Variants in POLE observed in about 807,000 individuals in gnomAD.
POLE encodes DNA polymerase epsilon catalytic subunit A.
In POLE, 188 loss-of-function variants were observed where a neutral mutation model predicts 279.2. The ratio of observed to expected loss-of-function variants is 0.67; its 90% CI spans 0.60 to 0.76. The LOEUF (loss-of-function observed/expected upper bound fraction) is 0.76, where lower values mean the gene tolerates loss of function less well. Ranked by LOEUF, POLE falls within the 30% of genes least tolerant of loss-of-function variation. POLE has a pLI of 0.00. For synonymous variants in POLE, 1,214 were observed against 1,172.5 expected (o/e 1.04, Z -0.72); for missense variants, 2,703 against 3,016.7 (o/e 0.90, Z 2.44).
At chr12:132,641,952 C>A in intron 38 of POLE, 101 bp from the exon 39 acceptor site, 1 of 1,158,998 alleles carries the variant, frequency 8.6e-7, no homozygotes, top group Non-Finnish European at 1.3e-6. Flanking sequence ...GAACCAGCAA[C>A]AGACCTGCCC....
chr12:132,656,524 A>T (rs1481699636), intron 29 of POLE, among the ~76,000 whole-genome samples: 1 of 151,784 alleles, frequency 6.6e-6, no homozygotes, highest in African/African-American at 2.4e-5. Flanking sequence ...ACGCCTGGCT[A>T]ATTTTTTGTA....
rs759660507 is a variant in POLE, at chr12:132,624,804, T to C, written c.6754A>G (p.Met2252Val). Residue 2252 changes from methionine to valine, a missense_variant, in exon 49 of 49, where the codon ATG becomes GTG. Physicochemically the swap from Met to Val is conservative, Grantham distance 21. Transcript: ENST00000320574. The part of the protein sequence containing the change: ...FALTIHTQVF[M>V]EQIGIFRNIA... ...TTCCGGAATATTCCGATCTGTTCCA[T>C]GAAGACCTGCAGGAATAAACAGGCA... 7.5e-6 allele frequency: 12 copies of C among 1,610,332 alleles called. No individual in the cohort carries two copies. The highest frequency in any genetic ancestry group is 6.7e-5 in the Admixed American group (4 of 60,016).
In POLE at chr12:132,648,832, G is replaced by A. The variant is rs1031051999; in HGVS notation, c.4149+97C>T. The A allele has an allele frequency of 3.9e-6, 5 of 1,275,896 alleles. No homozygotes were observed. In the African/African-American group the frequency reaches 7.4e-5, roughly 19 times the overall value. The allele number at this position is 1,275,896 out of a possible 1,614,324, so 79.0% of individuals were successfully genotyped here. On this transcript the variant is annotated intron_variant, in intron 32 of 48. Coordinates refer to ENST00000320574, the MANE Select transcript of POLE (RefSeq NM_006231.4). ...GGAATTCCTAGAACATCCCCATAAG[G>A]TACTGAGGAGATGGAGGCTGGAGGC...
intron 1 of POLE, among the ~76,000 whole-genome samples, chr12:132,686,596 C>G (rs1025198265): frequency 1.8e-4 from 27 of 151,990 alleles, no homozygotes; most frequent in African/African-American, 6.5e-4. Context: ...CTAGCCGGGC[C>G]TGGTGGCGGG....
intron 6 of POLE, among the ~76,000 whole-genome samples, chr12:132,678,930 C>T (rs1416709650): frequency 1.3e-5 from 2 of 152,334 alleles, no homozygotes; most frequent in Admixed American, 6.5e-5. Flanking sequence ...AGGCGGACTC[C>T]GGGTAGGGAC....
At chr12:132,660,480 C>T (rs1054425114) in intron 25 of POLE, 7 of 152,644 alleles carry the variant, frequency 4.6e-5, no homozygotes, top group Non-Finnish European at 1.0e-4. Flanking sequence ...TCGTTCAATG[C>T]AACACCATTG....
In POLE at chr12:132,681,628, A is replaced by G. The variant is rs990327978; in HGVS notation, c.63-349T>C. Among the ~76,000 whole-genome samples, 4 of 152,126 alleles carry G rather than the reference A, an allele frequency of 2.6e-5. No homozygotes were observed. The South Asian group carries it at 8.3e-4, about 32-fold the overall frequency. On this transcript the variant is annotated intron_variant, in intron 1 of 48. Transcript: ENST00000320574. ...GCAACCCTCATCCCACCTAGTGTTA[A>G]GTGTTTCGGATATGACAGGGTATAT...
At chr12:132,670,524 C>T (rs918754330) in intron 16 of POLE, among the ~76,000 whole-genome samples, 1 of 150,794 alleles carries the variant, frequency 6.6e-6, no homozygotes, top group Admixed American at 6.6e-5. Context: ...GCTGGGATTC[C>T]AGGCTGCCCA....
intron 25 of POLE, chr12:132,660,534 G>C (rs2042654596): frequency 6.5e-6 from 1 of 153,386 alleles, no homozygotes; most frequent in Non-Finnish European, 1.5e-5. Context: ...AAATAATCGT[G>C]GGCTAGTTAC....
At position 132,634,004 on chromosome 12, in the gene POLE, G is replaced by C. The variant is rs1224843254; in HGVS notation, c.6004+182C>G. 1 of 586,242 alleles carries C rather than the reference G, an allele frequency of 1.7e-6. No homozygotes were observed. Among genetic ancestry groups the C allele is most frequent in the African/African-American group, 1.9e-5 (1 of 53,032 alleles). 36.3% of individuals were successfully genotyped at this position (586,242 alleles called of 1,614,324 possible). A position where few individuals can be genotyped will look rare whatever the true frequency, so the allele number is the denominator to read the frequency against. On this transcript the variant is annotated intron_variant, in intron 43 of 48. Transcript: ENST00000320574. This position sits in a 1 kb window ranked among gnomAD's most constrained non-coding sequence, Gnocchi z 4.0. ...CAGTCACCCCTCTCCGGGCCCTCCA[G>C]TGGAACATGCCTGGAGCCTGGAGAG...
chr12:132,642,474 C>A lies in POLE; in HGVS notation c.4952+32G>T, dbSNP rs939518275. The A allele has an allele frequency of 3.1e-6, 5 of 1,604,604 alleles. No homozygotes were observed. In the African/African-American group the frequency reaches 6.7e-5, roughly 21 times the overall value. ...CACCGAGGCCGGCTCTGCCTGGGGA[C>A]CACTGGCCCACAACGACAGTACTGT... is the stretch of plus-strand genomic sequence containing the variant. On this transcript the variant is annotated intron_variant, in intron 37 of 48. Coordinates refer to ENST00000320574, the MANE Select transcript of POLE (RefSeq NM_006231.4).
intron 16 of POLE, 47 bp downstream of exon 16, chr12:132,672,168 G>A (rs2042942157): frequency 7.6e-7 from 1 of 1,312,768 alleles, no homozygotes; most frequent in Non-Finnish European, 1.1e-6. Context: ...GGTCTGTGAA[G>A]AAGGCGCCAA....
intron 39 of POLE, among the ~76,000 whole-genome samples, chr12:132,640,761 G>A (rs1031327616): frequency 8.5e-5 from 13 of 152,148 alleles, no homozygotes; most frequent in African/African-American, 3.1e-4. Context: ...TCAATAATTT[G>A]GCAAACCCCA....
Position 132,687,332 on chromosome 12 carries a change from A to G in POLE, c.-17T>C, listed in dbSNP as rs1363834264. ...CAGAGACATGGAGCCGTTGGCTACC[A>G]CCTCTGCTTCAGGGGAGAAATTTGG... On this transcript the variant is annotated 5_prime_UTR_variant, in exon 1 of 49. Transcript: ENST00000320574. The G allele has an allele frequency of 1.3e-6, 2 of 1,491,818 alleles. No individual in the cohort carries two copies. The highest frequency in any genetic ancestry group is 1.8e-6 in the Non-Finnish European group (2 of 1,119,138). 92.4% of individuals were successfully genotyped at this position (1,491,818 alleles called of 1,614,324 possible).
In POLE at chr12:132,668,739, T is replaced by C; in HGVS notation, c.1924-2A>G. 1 of 1,613,892 alleles carries C rather than the reference T, an allele frequency of 6.2e-7. No individual in the cohort carries two copies. Among genetic ancestry groups the C allele is most frequent in the Non-Finnish European group, 8.5e-7 (1 of 1,179,780 alleles). Reference sequence around the variant, plus strand: ...GGCTTCGTCCACCATGGCAGAGGGCTGGGAGGGGTGAGAAAGCACTTAGGG... The same window carrying C: ...GGCTTCGTCCACCATGGCAGAGGGCCGGGAGGGGTGAGAAAGCACTTAGGG... On this transcript the variant is annotated splice_acceptor_variant, in intron 17 of 48. Coordinates refer to ENST00000320574, the MANE Select transcript of POLE (RefSeq NM_006231.4). LOFTEE classifies it high-confidence loss of function. The surrounding 1 kb of genome is among the most constrained non-coding windows in gnomAD (Gnocchi z 4.0).
rs2041783035 is a variant in POLE at position 132,624,229 on chromosome 12, G to A, written c.*468C>T. The A allele has an allele frequency of 4.1e-6, 1 of 242,456 alleles. No individual in the cohort carries two copies. The highest frequency in any genetic ancestry group is 8.1e-6 in the Non-Finnish European group (1 of 123,188). The allele number at this position is 242,456 out of a possible 1,614,324, so 15.0% of individuals were successfully genotyped here. ...CCAGCCCATTTCTCCATGCAAACAG[G>A]TGAGACTCCAGCCCCACCAGGGCCT... On this transcript the variant is annotated 3_prime_UTR_variant, in exon 49 of 49. Coordinates refer to ENST00000320574, the MANE Select transcript of POLE (RefSeq NM_006231.4).
rs138669619 is a variant in POLE at position 132,640,864 on chromosome 12, G to A, written c.5378+783C>T. Among the ~76,000 whole-genome samples, 902 of 152,092 alleles carry A rather than the reference G, an allele frequency of 5.9e-3. 5 individuals are homozygous for A. The highest frequency in any genetic ancestry group is 0.024 in the Middle Eastern group (7 of 294). ...GTCTCTCTGCCAAGACCCTGCTCCC[G>A]GCTCCCAACTGCCTCCCTGCCTCTT... On this transcript the variant is annotated intron_variant, in intron 39 of 48. Transcript: ENST00000320574.
intron 29 of POLE, among the ~76,000 whole-genome samples, chr12:132,654,477 T>C (rs2042490266): frequency 6.6e-6 from 1 of 152,252 alleles, no homozygotes; most frequent in Non-Finnish European, 1.5e-5. Flanking sequence ...GTTCCATCTA[T>C]GTTTTCCAAC....
chr12:132,656,405 G>A (rs1471123072), intron 29 of POLE, among the ~76,000 whole-genome samples: 1 of 151,580 alleles, frequency 6.6e-6, no homozygotes, highest in Non-Finnish European at 1.5e-5. Flanking sequence ...CTGTCGCCCA[G>A]GGGAGTGCAG....
Sources: allele counts gnomAD v4.1 joint callset (sites outside exome capture counted in the v4.1 genomes callset), GRCh38; gene constraint gnomAD v4.1.1; non-coding constraint Gnocchi (gnomAD v3.1); transcripts MANE v1.5; gene names NCBI Gene and HGNC (gene_info 2026-07-23, HGNC 2026-07-21).